Variants in PPP1R37 observed in about 807,000 individuals in gnomAD.
PPP1R37 encodes protein phosphatase 1 regulatory subunit 37.
A neutral mutation model predicts 61.0 loss-of-function variants in PPP1R37; 21 were observed. That is an observed-to-expected ratio of 0.34 (90% confidence interval 0.24 to 0.50). The LOEUF is 0.50. PPP1R37 is among the 20% of genes least tolerant of loss of function. The probability of loss-of-function intolerance (pLI) is 0.98; values close to 1 mark genes in which losing one functional copy is unlikely to be tolerated. For missense variants in PPP1R37, 910 were observed against 952.7 expected, an observed-to-expected ratio of 0.96 and a Z score of 0.59; for synonymous variants, 443 against 433.5, an observed-to-expected ratio of 1.02 and a Z score of -0.27.
chr19:45,139,797 G>A (rs1968585995), intron 2 of PPP1R37, among the ~76,000 whole-genome samples: 1 of 152,230 alleles, frequency 6.6e-6, no homozygotes, highest in Non-Finnish European at 1.5e-5. Context: ...GCTGGCATCT[G>A]CGGGACGGTG....
intron 1 of PPP1R37, among the ~76,000 whole-genome samples, chr19:45,112,372 C>CA (rs1256701111): frequency 8.8e-5 from 10 of 113,926 alleles, no homozygotes; most frequent in African/African-American, 3.4e-4. Context: ...GAGCTAGGAA[C>CA]AGAATGGCTG....
chr19:45,126,360 G>A (rs1052889962), intron 1 of PPP1R37, among the ~76,000 whole-genome samples: 27 of 152,264 alleles, frequency 1.8e-4, no homozygotes, highest in East Asian at 9.7e-4. Flanking sequence ...AGCTCACCAA[G>A]CCCTCCCTGG....
At chr19:45,111,283 A>T (rs191748389) in intron 1 of PPP1R37, among the ~76,000 whole-genome samples, 47 of 137,518 alleles carry the variant, frequency 3.4e-4, no homozygotes, top group Admixed American at 7.8e-4. Flanking sequence ...TATTATTATT[A>T]TTTTTAATTG....
Position 45,142,294 on chromosome 19 carries a change from C to T in PPP1R37, c.719-9C>T, listed in dbSNP as rs577814316. ...CTGCCCAGTCACCGTGCCCCCTCCC[C>T]GTCCCCAGCCACGGCCCTGAAGATG... On this transcript the variant is annotated splice_polypyrimidine_tract_variant and intron_variant, in intron 6 of 12. Transcript: ENST00000221462. 9.2e-5 allele frequency: 141 copies of T among 1,535,752 alleles called. No homozygotes were observed. The highest frequency in any genetic ancestry group is 3.4e-4 in the African/African-American group (25 of 73,156).
chr19:45,117,560 G>C (rs1968285416), intron 1 of PPP1R37, among the ~76,000 whole-genome samples: 1 of 152,200 alleles, frequency 6.6e-6, no homozygotes, highest in African/African-American at 2.4e-5. Context: ...GGACTGCACA[G>C]GACGTGGGTT....
intron 1 of PPP1R37, among the ~76,000 whole-genome samples, chr19:45,127,204 C>T (rs1476649294): frequency 6.6e-6 from 1 of 152,050 alleles, no homozygotes; most frequent in African/African-American, 2.4e-5. Flanking sequence ...ACAAAATTAG[C>T]CTGGCGTGGT....
At position 45,128,685 on chromosome 19, in the gene PPP1R37, G is replaced by C. The variant is rs1444566331; in HGVS notation, c.203-9829G>C. On this transcript the variant is annotated intron_variant, in intron 1 of 12. Transcript: ENST00000221462. Reference sequence around the variant, plus strand: ...GGTGCTCAAAGGCTGGCCCTGTAAGGTCTTTGAGATGTCTGCTTGGAAGAC... The same window carrying C: ...GGTGCTCAAAGGCTGGCCCTGTAAGCTCTTTGAGATGTCTGCTTGGAAGAC... 12 of 1,155,880 alleles carry C rather than the reference G, an allele frequency of 1.0e-5. No homozygotes were observed. In the East Asian group the frequency reaches 3.0e-4, roughly 29 times the overall value. The allele number at this position is 1,155,880 out of a possible 1,614,324, so 71.6% of individuals were successfully genotyped here.
intron 1 of PPP1R37, among the ~76,000 whole-genome samples, chr19:45,097,754 G>A (rs1156481815): frequency 2.0e-5 from 3 of 152,082 alleles, no homozygotes; most frequent in East Asian, 3.9e-4. Flanking sequence ...TCTTGGTGGT[G>A]GTCTCTCTCC....
intron 7 of PPP1R37, 149 bp from the exon 8 acceptor site, chr19:45,143,372 G>T: frequency 1.7e-6 from 1 of 572,690 alleles, no homozygotes; most frequent in Non-Finnish European, 3.1e-6. Flanking sequence ...GCCCAGGGGT[G>T]CCAGGCCGAG....
Position 45,145,559 on chromosome 19 carries a change from C to G in PPP1R37, c.1503C>G (p.Pro501=), listed in dbSNP as rs913293122. 4 of 1,535,244 alleles carry G rather than the reference C, an allele frequency of 2.6e-6. No individual in the cohort carries two copies. The African/African-American group carries it at 5.5e-5, about 21-fold the overall frequency. ...AGAACGGGGCCCCCAGCCCCGCACC[C>G]AGCCCGGACTCAGACTCAGACTCGG... ...GVQNGAPSPA[P]SPDSDSDSDS... The change falls in exon 11 of 13, where the codon CCC becomes CCG. Residue 501 remains proline (P), a synonymous_variant. Transcript: ENST00000221462.
intron 1 of PPP1R37, among the ~76,000 whole-genome samples, chr19:45,112,174 A>G (rs1286513630): frequency 7.2e-6 from 1 of 138,458 alleles, no homozygotes; most frequent in Non-Finnish European, 1.6e-5. Context: ...GGGTTTCACC[A>G]TGTCTGTCAG....
At chr19:45,141,109 G>A (rs748959915) in intron 4 of PPP1R37, among the ~76,000 whole-genome samples, 2 of 152,184 alleles carry the variant, frequency 1.3e-5, no homozygotes, top group South Asian at 4.1e-4. Flanking sequence ...ACTTTGGAGG[G>A]CAAGTGACAG....
intron 1 of PPP1R37, among the ~76,000 whole-genome samples, chr19:45,110,956 A>T (rs1174291016): frequency 6.6e-6 from 1 of 152,126 alleles, no homozygotes; most frequent in Non-Finnish European, 1.5e-5. Context: ...ATGTCTACCG[A>T]TGAGTGCTGG....
intron 1 of PPP1R37, among the ~76,000 whole-genome samples, chr19:45,112,802 G>T (rs1968218555): frequency 6.6e-6 from 1 of 152,148 alleles, no homozygotes. Context: ...GCATGACCCT[G>T]CCCGGGGCAC....
At chr19:45,117,173 A>G (rs1462953590) in intron 1 of PPP1R37, among the ~76,000 whole-genome samples, 1 of 152,118 alleles carries the variant, frequency 6.6e-6, no homozygotes, top group Non-Finnish European at 1.5e-5. Context: ...TCAGCCTCCC[A>G]AAGTGCTGGG....
intron 1 of PPP1R37, among the ~76,000 whole-genome samples, chr19:45,109,861 C>T (rs1031019964): frequency 2.6e-5 from 4 of 152,222 alleles, no homozygotes; most frequent in Non-Finnish European, 5.9e-5. Flanking sequence ...CCACCTGCAT[C>T]TGCAGCCTCA....
At chr19:45,117,615 T>G (rs1968286369) in intron 1 of PPP1R37, among the ~76,000 whole-genome samples, 1 of 152,000 alleles carries the variant, frequency 6.6e-6, no homozygotes, top group Non-Finnish European at 1.5e-5. Flanking sequence ...TCCCTGCAGG[T>G]CCCCACCAGG....
chr19:45,142,549 G>A, intron 7 of PPP1R37, 91 bp downstream of exon 7: 2 of 1,322,590 alleles, frequency 1.5e-6, no homozygotes, highest in Middle Eastern at 1.9e-4. Context: ...CACAGACATG[G>A]CCAAGACCAC....
intron 1 of PPP1R37, among the ~76,000 whole-genome samples, chr19:45,129,937 GC>G (rs1968455456): frequency 6.6e-6 from 1 of 152,202 alleles, no homozygotes; most frequent in Non-Finnish European, 1.5e-5. Flanking sequence ...GCAGACCTGG[GC>G]CTTTTAGTCT....
Sources: allele counts gnomAD v4.1 joint callset (sites outside exome capture counted in the v4.1 genomes callset), GRCh38; gene constraint gnomAD v4.1.1; transcripts MANE v1.5; gene names NCBI Gene and HGNC (gene_info 2026-07-23, HGNC 2026-07-21).